CAMTA1: variants seen among roughly 807,000 people sequenced by gnomAD.
CAMTA1 encodes calmodulin binding transcription activator 1.
In CAMTA1, 27 loss-of-function variants were observed where a neutral mutation model predicts 170.9. The observed-to-expected ratio is 0.16, with a 90% CI of 0.12 to 0.22. The LOEUF (loss-of-function observed/expected upper bound fraction) is 0.22. Among genes scored for constraint, CAMTA1 ranks in the 10% least tolerant of loss-of-function variants. CAMTA1 has a pLI of 1.00. For missense variants in CAMTA1, 1,619 were observed against 2,217.2 expected (o/e 0.73, Z 5.42); for synonymous variants, 833 against 891.5 (o/e 0.93, Z 1.17).
intron 4 of CAMTA1, among the ~76,000 whole-genome samples, chr1:7,163,995 A>G (rs1473563798): frequency 1.3e-5 from 2 of 152,206 alleles, no homozygotes; most frequent in Non-Finnish European, 2.9e-5. Flanking sequence ...GCTAGCACCT[A>G]CTATGTGCTC....
At chr1:6,911,444 G>T (rs969320768) in intron 3 of CAMTA1, among the ~76,000 whole-genome samples, 2 of 152,234 alleles carry the variant, frequency 1.3e-5, no homozygotes, top group Admixed American at 6.5e-5. Context: ...GAGCCACAAA[G>T]CCAGAAACCA....
chr1:7,086,762 C>T (rs1640801111), intron 3 of CAMTA1, among the ~76,000 whole-genome samples: 1 of 152,238 alleles, frequency 6.6e-6, no homozygotes. Flanking sequence ...CTTTCTATGG[C>T]TGAATAACAT....
At chr1:7,004,284 T>A (rs1194349613) in intron 3 of CAMTA1, among the ~76,000 whole-genome samples, 2 of 152,222 alleles carry the variant, frequency 1.3e-5, no homozygotes, top group African/African-American at 4.8e-5. Flanking sequence ...TGATATCCAT[T>A]GCATTTCAAT....
At chr1:7,581,963 T>A (rs1254110117) in intron 6 of CAMTA1, among the ~76,000 whole-genome samples, 1 of 152,210 alleles carries the variant, frequency 6.6e-6, no homozygotes, top group Non-Finnish European at 1.5e-5. Flanking sequence ...AAGGATGGTG[T>A]GATGATATTC....
At chr1:6,867,464 G>A (rs947137423) in intron 3 of CAMTA1, among the ~76,000 whole-genome samples, 1 of 152,076 alleles carries the variant, frequency 6.6e-6, no homozygotes, top group African/African-American at 2.4e-5. Flanking sequence ...ATATATTTTC[G>A]GAAAGGCTGG....
rs530162470 is a variant in CAMTA1, at chr1:7,064,178, T to TCTC, written c.235-27113_235-27111dup. Among the ~76,000 whole-genome samples, 2 of 150,526 alleles carry TCTC rather than the reference T, an allele frequency of 1.3e-5. No homozygotes were observed. The highest frequency in any genetic ancestry group is 2.0e-4 in the East Asian group (1 of 5,128). On this transcript the variant is annotated intron_variant, in intron 3 of 22. Coordinates refer to ENST00000303635, the MANE Select transcript of CAMTA1 (RefSeq NM_015215.4). The surrounding 1 kb of genome is among the most constrained non-coding windows in gnomAD (Gnocchi z 5.4). ...CCCTCCTCCTCCTCTTCCTTCTTCT[T>TCTC]CTCCTCCTCCTCCTCTTCTTTCTCC...
chr1:7,699,696 G>A (rs2096417468), intron 11 of CAMTA1, among the ~76,000 whole-genome samples: 1 of 152,110 alleles, frequency 6.6e-6, no homozygotes, highest in Non-Finnish European at 1.5e-5. Flanking sequence ...GTCTTTCTTT[G>A]TGATTATAGT....
intron 11 of CAMTA1, among the ~76,000 whole-genome samples, chr1:7,727,531 C>T (rs1011548033): frequency 6.6e-6 from 1 of 152,258 alleles, no homozygotes; most frequent in African/African-American, 2.4e-5. Context: ...GTACTCCCTA[C>T]TGCCTGGTGC....
intron 22 of CAMTA1, among the ~76,000 whole-genome samples, chr1:7,758,668 G>T (rs1319684250): frequency 2.0e-5 from 3 of 152,190 alleles, no homozygotes; most frequent in Non-Finnish European, 4.4e-5. Context: ...GGGCGCGGTG[G>T]CTTACGCCTG....
At chr1:7,710,123 G>C (rs1002508525) in intron 11 of CAMTA1, among the ~76,000 whole-genome samples, 2 of 152,194 alleles carry the variant, frequency 1.3e-5, no homozygotes, top group Non-Finnish European at 2.9e-5. Flanking sequence ...TCAACAGATA[G>C]TCTCCAGCCA....
rs145840623 is a variant in CAMTA1 at position 7,514,010 on chromosome 1, C to T, written c.510+46109C>T. Among the ~76,000 whole-genome samples the T allele has an allele frequency of 4.9e-3, 744 of 152,304 alleles. 10 individuals carry two copies. Among genetic ancestry groups the T allele is most frequent in the African/African-American group, 0.017 (696 of 41,558 alleles). The stretch of plus-strand genomic sequence containing the variant: ...CACTGGATCAGGGCCCACCCTACTC[C>T]AATGACCTTATCTTAACTAATTGTA... On this transcript the variant is annotated intron_variant, in intron 6 of 22. Coordinates refer to ENST00000303635, the MANE Select transcript of CAMTA1 (RefSeq NM_015215.4).
At chr1:7,180,139 G>T (rs1329444116) in intron 4 of CAMTA1, among the ~76,000 whole-genome samples, 1 of 152,132 alleles carries the variant, frequency 6.6e-6, no homozygotes, top group African/African-American at 2.4e-5. Flanking sequence ...GGCTGAGGCG[G>T]GTGGATCACC....
rs2093556974 is a variant in CAMTA1 at position 7,482,685 on chromosome 1, C to G, written c.510+14784C>G. On this transcript the variant is annotated intron_variant, in intron 6 of 22. Transcript: ENST00000303635. The surrounding 1 kb of genome is among the most constrained non-coding windows in gnomAD (Gnocchi z 4.2). ...TTGAGAAGGAAATTCGGGGCAGAAACGTTTGTTGATCCTGAATTGCTAAAA... is the reference window on the plus strand; with the variant it reads ...TTGAGAAGGAAATTCGGGGCAGAAAGGTTTGTTGATCCTGAATTGCTAAAA... 6.6e-6 allele frequency among the ~76,000 whole-genome samples: 1 copy of G among 152,146 alleles called. No individual in the cohort carries two copies. Among genetic ancestry groups the G allele is most frequent in the African/African-American group, 2.4e-5 (1 of 41,432 alleles).
chr1:7,511,866 C>T (rs976888898), intron 6 of CAMTA1, among the ~76,000 whole-genome samples: 9 of 152,196 alleles, frequency 5.9e-5, no homozygotes, highest in African/African-American at 1.9e-4. Context: ...CCTAATACAC[C>T]ATCCCCTGGG....
intron 3 of CAMTA1, among the ~76,000 whole-genome samples, chr1:6,964,000 C>T (rs968355143): frequency 6.6e-6 from 1 of 151,814 alleles, no homozygotes; most frequent in African/African-American, 2.4e-5. Flanking sequence ...GATAGGGGTG[C>T]AGAATCCTGG....
intron 6 of CAMTA1, among the ~76,000 whole-genome samples, chr1:7,542,395 C>T (rs1047361406): frequency 2.0e-5 from 3 of 152,054 alleles, no homozygotes; most frequent in East Asian, 3.9e-4. Flanking sequence ...AGCATTTCCC[C>T]CGTCATTCAC....
At chr1:7,401,029 G>A (rs1275383128) in intron 5 of CAMTA1, among the ~76,000 whole-genome samples, 2 of 152,148 alleles carry the variant, frequency 1.3e-5, no homozygotes, top group African/African-American at 4.8e-5. Flanking sequence ...TTTTGATGAA[G>A]TAAAATGGAT....
At position 7,766,612 on chromosome 1, in the gene CAMTA1, C is replaced by G; in HGVS notation, c.*121C>G. 7.3e-6 allele frequency: 6 copies of G among 819,152 alleles called. No individual in the cohort carries two copies. The highest frequency in any genetic ancestry group is 1.0e-5 in the Non-Finnish European group (5 of 488,084). 50.7% of individuals were successfully genotyped at this position (819,152 alleles called of 1,614,324 possible). A position where few individuals can be genotyped will look rare whatever the true frequency, so the allele number is the denominator to read the frequency against. On this transcript the variant is annotated 3_prime_UTR_variant, in exon 23 of 23. Transcript: ENST00000303635. Reference sequence around the variant, plus strand: ...ACACACGCACACACACACACGTACACACACATACAAAATCCCTCTGCAGTT... The same window carrying G: ...ACACACGCACACACACACACGTACAGACACATACAAAATCCCTCTGCAGTT...
rs1323566838 is a variant in CAMTA1, at chr1:7,580,744, G to A, written c.511-59656G>A. ...TCCTGGATGGGCTGCCGGTCGGAGG[G>A]AACTTGGCATTTGACTCTGGCTTTG... On this transcript the variant is annotated intron_variant, in intron 6 of 22. Coordinates refer to ENST00000303635, the MANE Select transcript of CAMTA1 (RefSeq NM_015215.4). This position sits in a 1 kb window ranked among gnomAD's most constrained non-coding sequence, Gnocchi z 4.3. Among the ~76,000 whole-genome samples, 1 of 152,062 alleles carries A rather than the reference G, an allele frequency of 6.6e-6. No individual in the cohort carries two copies. The highest frequency in any genetic ancestry group is 2.4e-5 in the African/African-American group (1 of 41,408).
Sources: gnomAD v4.1 joint callset for allele counts (sites outside exome capture counted in the v4.1 genomes callset) on GRCh38, gnomAD v4.1.1 for gene constraint, Gnocchi (gnomAD v3.1) non-coding constraint, MANE v1.5 for transcripts, NCBI Gene and HGNC (gene_info 2026-07-23, HGNC 2026-07-21) for gene names.